CTBP2: variants seen among roughly 807,000 people sequenced by gnomAD.
CTBP2 encodes C-terminal binding protein 2, also known as C-terminal-binding protein 2.
In CTBP2, 30 loss-of-function variants were observed where a neutral mutation model predicts 80.3. The observed-to-expected ratio is 0.37, with a 90% CI of 0.28 to 0.51. CTBP2 has a LOEUF of 0.51. CTBP2 is among the 20% of genes least tolerant of loss of function. CTBP2 has a pLI of 0.93. For missense variants in CTBP2, 1,212 were observed against 1,375.3 expected (o/e 0.88, Z 1.88); for synonymous variants, 594 against 587.4 (o/e 1.01, Z -0.16).
At chr10:125,122,316 T>C (rs947524730) in intron 1 of CTBP2, among the ~76,000 whole-genome samples, 1 of 152,238 alleles carries the variant, frequency 6.6e-6, no homozygotes, top group Non-Finnish European at 1.5e-5. Flanking sequence ...AACATATAAA[T>C]ACACACAAGT....
chr10:125,154,821 G>T (rs1422937594), intron 1 of CTBP2, among the ~76,000 whole-genome samples: 4 of 152,230 alleles, frequency 2.6e-5, no homozygotes, highest in Admixed American at 2.6e-4. Flanking sequence ...AAGGAGAAGG[G>T]CTTTGTGAAT....
At chr10:125,011,732 G>A (rs540815480) in intron 1 of CTBP2, among the ~76,000 whole-genome samples, 8 of 152,370 alleles carry the variant, frequency 5.3e-5, no homozygotes, top group South Asian at 2.1e-4. Flanking sequence ...TATGCGGAAC[G>A]GAGGAGCACA....
At chr10:125,147,890 C>A (rs1565042479) in intron 1 of CTBP2, among the ~76,000 whole-genome samples, 1 of 152,002 alleles carries the variant, frequency 6.6e-6, no homozygotes, top group Non-Finnish European at 1.5e-5. Flanking sequence ...ACGGTGAAAC[C>A]CCCATCTCGG....
intron 2 of CTBP2, among the ~76,000 whole-genome samples, chr10:125,063,206 A>C (rs1844086415): frequency 6.6e-6 from 1 of 152,250 alleles, no homozygotes; most frequent in Admixed American, 6.5e-5. Context: ...TCTACGAAGC[A>C]ATCTGGAAAG....
At chr10:125,041,504 A>ACCCCCCCCCCCCC (rs10559259) in intron 2 of CTBP2, among the ~76,000 whole-genome samples, 1 of 91,134 alleles carries the variant, frequency 1.1e-5, no homozygotes, top group Admixed American at 1.2e-4. Flanking sequence ...GTCCATCCCC[A>ACCCCCCCCCCCCC]CCCCCCCCCC....
At chr10:125,090,348 A>G (rs889449044) in intron 2 of CTBP2, among the ~76,000 whole-genome samples, 2 of 151,648 alleles carry the variant, frequency 1.3e-5, no homozygotes, top group African/African-American at 4.9e-5. Context: ...AGTGAAATGC[A>G]AAGAATGTAT....
At chr10:125,122,976 A>G (rs577938184) in intron 1 of CTBP2, 3 of 152,364 alleles carry the variant, frequency 2.0e-5, no homozygotes, top group East Asian at 3.9e-4. Context: ...CCCAATCCTC[A>G]AAGGCGGCAA....
chr10:125,100,015 A>G (rs1281770875), intron 2 of CTBP2, among the ~76,000 whole-genome samples: 2 of 152,266 alleles, frequency 1.3e-5, no homozygotes, highest in Admixed American at 6.5e-5. Flanking sequence ...GGTCTCATCT[A>G]GATCACACAT....
chr10:125,017,107 A>C (rs1366888158), intron 1 of CTBP2, among the ~76,000 whole-genome samples: 2 of 152,212 alleles, frequency 1.3e-5, no homozygotes, highest in Non-Finnish European at 2.9e-5. Flanking sequence ...CCCCGGGGGA[A>C]GTCAGCGCCA....
chr10:125,081,082 C>T (rs772582373), intron 2 of CTBP2, among the ~76,000 whole-genome samples: 14 of 152,264 alleles, frequency 9.2e-5, no homozygotes, highest in East Asian at 3.9e-4. Context: ...CCTCCTAATC[C>T]GCTGTGCTGA....
At chr10:125,123,255 A>G (rs1854641267) in intron 1 of CTBP2, among the ~76,000 whole-genome samples, 2 of 152,114 alleles carry the variant, frequency 1.3e-5, no homozygotes, top group Non-Finnish European at 2.9e-5. Context: ...ACAAATAGAG[A>G]CCTACCCGTG....
Position 124,984,901 on chromosome 10 carries a change from T to C in CTBP2, c.*4617A>G. ...CGAAATCACCCCCTGGTCACTCAGA[T>C]GGTAGAAAAATGGCTTGACCGCTAC... On this transcript the variant is annotated 3_prime_UTR_variant, in exon 9 of 9. Coordinates refer to ENST00000309035, the MANE Select transcript of CTBP2 (RefSeq NM_022802.3). 4 of 1,613,930 alleles carry C rather than the reference T, an allele frequency of 2.5e-6. No homozygotes were observed. Among genetic ancestry groups the C allele is most frequent in the Non-Finnish European group, 3.4e-6 (4 of 1,179,994 alleles).
At chr10:125,147,822 G>A (rs1457572436) in intron 1 of CTBP2, among the ~76,000 whole-genome samples, 2 of 152,030 alleles carry the variant, frequency 1.3e-5, no homozygotes, top group Non-Finnish European at 2.9e-5. Context: ...GCTTGAACCC[G>A]GGAGGTCGAG....
At chr10:125,099,517 C>T (rs1306763623) in intron 2 of CTBP2, among the ~76,000 whole-genome samples, 2 of 152,336 alleles carry the variant, frequency 1.3e-5, no homozygotes, top group Admixed American at 1.3e-4. Flanking sequence ...ATCCTGAACT[C>T]CAACTGGAGC....
rs115565870 is a variant in CTBP2 at position 125,089,502 on chromosome 10, C to T, written c.-102+21488G>A. On this transcript the variant is annotated intron_variant, in intron 2 of 10. Coordinates refer to the CTBP2 transcript ENST00000337195. ...GACCCTTTTGTCAACCTAGAGCCTC[C>T]AAGAACAGTTTCTGGCCACTGTTTG... is the stretch of plus-strand genomic sequence containing the variant. Among the ~76,000 whole-genome samples the T allele has an allele frequency of 3.0e-3, 459 of 152,240 alleles. 2 individuals carry two copies. The highest frequency in any genetic ancestry group is 0.01 in the African/African-American group (426 of 41,544).
In CTBP2 at chr10:124,987,658, A is replaced by G. The variant is rs1952090000; in HGVS notation, c.*1860T>C. Reference sequence around the variant, plus strand: ...TCTCTCTCCATGTGAGCTTGTGTTAATAGACACTTTTATGGTAGAGTTGGG... The same window carrying G: ...TCTCTCTCCATGTGAGCTTGTGTTAGTAGACACTTTTATGGTAGAGTTGGG... On this transcript the variant is annotated 3_prime_UTR_variant, in exon 9 of 9. Coordinates refer to ENST00000309035, the MANE Select transcript of CTBP2 (RefSeq NM_022802.3). 1 of 152,138 alleles carries G rather than the reference A, an allele frequency of 6.6e-6. No homozygotes were observed. Among genetic ancestry groups the G allele is most frequent in the East Asian group, 1.9e-4 (1 of 5,194 alleles). 9.4% of individuals were successfully genotyped at this position (152,138 alleles called of 1,614,324 possible).
intron 2 of CTBP2, among the ~76,000 whole-genome samples, chr10:125,082,588 T>TG (rs1564876001): frequency 7.8e-6 from 1 of 128,300 alleles, no homozygotes; most frequent in Non-Finnish European, 1.6e-5. Context: ...CCAGCTTTCC[T>TG]CTTTTTTTTT....
intron 2 of CTBP2, among the ~76,000 whole-genome samples, chr10:125,079,364 G>A (rs1462245397): frequency 2.0e-5 from 3 of 152,124 alleles, no homozygotes; most frequent in Non-Finnish European, 4.4e-5. Flanking sequence ...CTCCAGGGAG[G>A]AAAATGCTAC....
chr10:125,159,461 C>T (rs1256272303), intron 1 of CTBP2, among the ~76,000 whole-genome samples: 3 of 146,148 alleles, frequency 2.1e-5, no homozygotes, highest in Non-Finnish European at 4.6e-5. Context: ...CCCGCCCCGC[C>T]GCGACTTTGG....
Sources: allele counts gnomAD v4.1 joint callset (sites outside exome capture counted in the v4.1 genomes callset), GRCh38; gene constraint gnomAD v4.1.1; transcripts MANE v1.5; gene names NCBI Gene and HGNC (gene_info 2026-07-23, HGNC 2026-07-21).